The following HECW2 variants were observed in gnomAD, a reference collection of about 807,000 sequenced individuals.
HECW2 encodes the protein E3 ubiquitin-protein ligase HECW2.
HECW2 carries 61 observed loss-of-function variants against 175.2 expected under a neutral mutation model. The ratio of observed to expected loss-of-function variants is 0.35; its 90% confidence interval spans 0.28 to 0.43. The LOEUF is 0.43. HECW2 is among the 20% of genes least tolerant of loss of function. The pLI is 1.00. For missense variants in HECW2, 1,524 were observed against 2,000.5 expected (o/e 0.76, Z 4.54); for synonymous variants, 671 against 731.0 (o/e 0.92, Z 1.32).
chr2:196,322,705 C>T, intron 6 of HECW2, 85 bp from the exon 7 acceptor site: 1 of 1,226,700 alleles, frequency 8.2e-7, no homozygotes, highest in Non-Finnish European at 1.2e-6. Flanking sequence ...GAAATGGTAT[C>T]TCTTAAATTC....
Position 196,320,427 on chromosome 2 carries a change from G to C in HECW2, c.897C>G (p.Leu299=). The change falls in exon 8 of 29, where the codon CTC becomes CTG. Residue 299 remains leucine (L), a synonymous_variant. Coordinates refer to ENST00000644978, the MANE Select transcript of HECW2 (RefSeq NM_001348768.2). Reference sequence around the variant, plus strand: ...GGAGCCTTCTGCCAAGGTTGTAGCTGAGCATTTGATCACTGCAAGAAGAGA... The same window carrying C: ...GGAGCCTTCTGCCAAGGTTGTAGCTCAGCATTTGATCACTGCAAGAAGAGA... ...LERQAIGDQM[L]SYNLGRRLPA... 6.2e-7 allele frequency: 1 copy of C among 1,610,216 alleles called. No individual in the cohort carries two copies.
intron 2 of HECW2, among the ~76,000 whole-genome samples, chr2:196,425,004 AGGGGCTCATACAGCT>A (rs1695503487): frequency 6.6e-6 from 1 of 152,002 alleles, no homozygotes; most frequent in African/African-American, 2.4e-5. Flanking sequence ...CTCTCTTGTT[AGGGGCTCATACAGCT>A]GGTGACTTTA....
intron 2 of HECW2, among the ~76,000 whole-genome samples, chr2:196,360,939 C>G (rs1025698989): frequency 2.0e-5 from 3 of 152,170 alleles, no homozygotes; most frequent in Non-Finnish European, 4.4e-5. Flanking sequence ...TTGTGAGAGT[C>G]TATCCAATAC....
chr2:196,377,341 G>A (rs1279692252), intron 2 of HECW2, among the ~76,000 whole-genome samples: 1 of 152,150 alleles, frequency 6.6e-6, no homozygotes, highest in Non-Finnish European at 1.5e-5. Context: ...CAGTGTATTA[G>A]TCTGTTCTCA....
At chr2:196,350,351 C>T (rs531166766) in intron 2 of HECW2, among the ~76,000 whole-genome samples, 26 of 152,134 alleles carry the variant, frequency 1.7e-4, no homozygotes, top group African/African-American at 5.5e-4. Flanking sequence ...GGCAACAGGG[C>T]GAGACTCCGT....
intron 1 of HECW2, among the ~76,000 whole-genome samples, chr2:196,541,870 C>G (rs1247527343): frequency 1.3e-5 from 2 of 151,708 alleles, no homozygotes; most frequent in Non-Finnish European, 2.9e-5. Context: ...TATGCAAGAA[C>G]TATCTAAAGG....
intron 1 of HECW2, among the ~76,000 whole-genome samples, chr2:196,444,018 G>A (rs149484713): frequency 6.6e-6 from 1 of 152,364 alleles, no homozygotes; most frequent in East Asian, 1.9e-4. Flanking sequence ...CTGGGCAACA[G>A]AGTGAGACCC....
At chr2:196,328,077 CT>C (rs1437581105) in intron 5 of HECW2, among the ~76,000 whole-genome samples, 1 of 151,894 alleles carries the variant, frequency 6.6e-6, no homozygotes, top group Non-Finnish European at 1.5e-5. Context: ...TTTTTTTTAC[CT>C]GTAAATTAAA....
rs541169467 is a variant in HECW2 at position 196,575,349 on chromosome 2, T to C, written c.-36+18159A>G. Among the ~76,000 whole-genome samples the C allele has an allele frequency of 2.6e-5, 4 of 152,276 alleles. 1 individual carries two copies. The South Asian group carries it at 8.3e-4, about 32-fold the overall frequency. ...GGTACAGTCATTGTGCAAAACAATATGGAAGTTCCTCAAGAAATTAAAAAT... is the reference window on the plus strand; with the variant it reads ...GGTACAGTCATTGTGCAAAACAATACGGAAGTTCCTCAAGAAATTAAAAAT... On this transcript the variant is annotated intron_variant, in intron 1 of 28. Transcript: ENST00000644978.
At chr2:196,581,173 T>C (rs558419469) in intron 1 of HECW2, among the ~76,000 whole-genome samples, 4 of 152,156 alleles carry the variant, frequency 2.6e-5, no homozygotes, top group African/African-American at 4.8e-5. Context: ...AGTTTCTATT[T>C]AGAGGTGATG....
chr2:196,319,612 A>G lies in HECW2; in HGVS notation c.1278T>C (p.Asn426=), dbSNP rs1691861000. The stretch of plus-strand genomic sequence containing the variant: ...TCGCTGTCCCCGGCCTGGAGTGGCC[A>G]TTGTGTTCGATAGCATCTAAGTAAT... ...LNDYLDAIEH[N]GHSRPGTATC... Residue 426 remains asparagine, a synonymous_variant, in exon 9 of 29, where the codon AAT becomes AAC. Coordinates refer to ENST00000644978, the MANE Select transcript of HECW2 (RefSeq NM_001348768.2). 1.2e-6 allele frequency: 2 copies of G among 1,614,080 alleles called. No homozygotes were observed. The highest frequency in any genetic ancestry group is 1.6e-4 in the Middle Eastern group (1 of 6,084).
chr2:196,387,372 C>A (rs1054149866), intron 2 of HECW2, among the ~76,000 whole-genome samples: 1 of 152,066 alleles, frequency 6.6e-6, no homozygotes, highest in African/African-American at 2.4e-5. Flanking sequence ...TAATTAGCAT[C>A]CTTATAAAAG....
intron 14 of HECW2, chr2:196,290,706 A>T (rs543303917): frequency 6.6e-6 from 1 of 152,306 alleles, no homozygotes; most frequent in South Asian, 2.1e-4. Flanking sequence ...GTGCCCTTCC[A>T]TCCAATGGAA....
chr2:196,364,606 C>A (rs139833040), intron 2 of HECW2, among the ~76,000 whole-genome samples: 1 of 152,192 alleles, frequency 6.6e-6, no homozygotes, highest in African/African-American at 2.4e-5. Context: ...ACATTAATAA[C>A]GACTTTTTAT....
At chr2:196,326,519 C>T (rs1692159009) in intron 5 of HECW2, among the ~76,000 whole-genome samples, 1 of 151,606 alleles carries the variant, frequency 6.6e-6, no homozygotes, top group Admixed American at 6.6e-5. Context: ...TCTTGGCTCA[C>T]TGCAACCTCT....
chr2:196,553,483 G>C (rs977063285), intron 1 of HECW2, among the ~76,000 whole-genome samples: 2 of 152,148 alleles, frequency 1.3e-5, no homozygotes, highest in Non-Finnish European at 2.9e-5. Flanking sequence ...AGACTACTGA[G>C]GAGACAGATA....
At chr2:196,527,796 A>C (rs1436196364) in intron 1 of HECW2, among the ~76,000 whole-genome samples, 1 of 152,232 alleles carries the variant, frequency 6.6e-6, no homozygotes, top group Non-Finnish European at 1.5e-5. Flanking sequence ...GCCCTGTCCT[A>C]GAAGGAGTCC....
At chr2:196,273,826 A>T (rs1689837563) in intron 16 of HECW2, among the ~76,000 whole-genome samples, 195 bp downstream of exon 16, 1 of 152,254 alleles carries the variant, frequency 6.6e-6, no homozygotes, top group Non-Finnish European at 1.5e-5. Flanking sequence ...CTCATCCTTT[A>T]GGATATTACA....
chr2:196,493,023 T>C (rs1575603256), intron 1 of HECW2, among the ~76,000 whole-genome samples: 1 of 152,136 alleles, frequency 6.6e-6, no homozygotes, highest in East Asian at 1.9e-4. Flanking sequence ...GACTGAAATA[T>C]GTACATTCAG....
Sources: allele counts gnomAD v4.1 joint callset (sites outside exome capture counted in the v4.1 genomes callset), GRCh38; gene constraint gnomAD v4.1.1; transcripts MANE v1.5; gene names NCBI Gene and HGNC (gene_info 2026-07-23, HGNC 2026-07-21).